ERGIC2: variants seen among roughly 807,000 people sequenced by gnomAD.
ERGIC2 encodes the protein endoplasmic reticulum-Golgi intermediate compartment protein 2.
In ERGIC2, 31 loss-of-function variants were observed where a neutral mutation model predicts 52.5. The observed-to-expected ratio is 0.59, with a 90% confidence interval of 0.44 to 0.80. ERGIC2 has a LOEUF of 0.80. Among genes scored for constraint, ERGIC2 ranks in the 30% least tolerant of loss-of-function variants. The pLI is 0.00. For synonymous variants in ERGIC2, 129 were observed against 140.6 expected (o/e 0.92, Z 0.58); for missense variants, 395 against 455.2 (o/e 0.87, Z 1.20).
chr12:29,366,786 T>C, intron 5 of ERGIC2, 91 bp downstream of exon 5: 1 of 647,278 alleles, frequency 1.5e-6, no homozygotes, highest in Non-Finnish European at 2.6e-6. Flanking sequence ...TACTAAAAAC[T>C]ATTTCAGACA....
At chr12:29,376,214 G>A (rs1455848066) in intron 1 of ERGIC2, among the ~76,000 whole-genome samples, 2 of 152,122 alleles carry the variant, frequency 1.3e-5, no homozygotes, top group African/African-American at 4.8e-5. Context: ...TTTTGATGAG[G>A]AAATGAGGCA....
At chr12:29,355,493 T>C (rs557397293) in intron 8 of ERGIC2, among the ~76,000 whole-genome samples, 1 of 152,312 alleles carries the variant, frequency 6.6e-6, no homozygotes, top group East Asian at 1.9e-4. Context: ...TTCAGCACTC[T>C]ATATGGAAAA....
intron 4 of ERGIC2, among the ~76,000 whole-genome samples, chr12:29,367,836 A>G (rs1265454081): frequency 4.0e-5 from 6 of 151,876 alleles, no homozygotes; most frequent in Non-Finnish European, 8.9e-5. Flanking sequence ...CATTAACTTA[A>G]AATAACTGGA....
rs1677980091 is a variant in ERGIC2 at position 29,338,936 on chromosome 12, C to T, written c.*2220G>A. The stretch of plus-strand genomic sequence containing the variant: ...TATCCTGGCTGGAGGCACCTCCAGG[C>T]ATAGGGAAAGTTGCATAACAGGTAG... On this transcript the variant is annotated 3_prime_UTR_variant, in exon 14 of 14. Transcript: ENST00000360150. 6.6e-6 allele frequency: 1 copy of T among 152,128 alleles called. No individual in the cohort carries two copies. The highest frequency in any genetic ancestry group is 2.1e-4 in the South Asian group (1 of 4,822). 9.4% of individuals were successfully genotyped at this position (152,128 alleles called of 1,614,324 possible).
chr12:29,368,923 T>C (rs1940401005), intron 3 of ERGIC2, among the ~76,000 whole-genome samples: 1 of 151,988 alleles, frequency 6.6e-6, no homozygotes, highest in Non-Finnish European at 1.5e-5. Flanking sequence ...AAATTTTTCA[T>C]GGCCTTTCAT....
intron 1 of ERGIC2, among the ~76,000 whole-genome samples, chr12:29,375,822 C>T (rs971955546): frequency 6.6e-6 from 1 of 152,254 alleles, no homozygotes; most frequent in Non-Finnish European, 1.5e-5. Flanking sequence ...TGGAGCACCT[C>T]GCCCCTCAGC....
chr12:29,374,294 A>T (rs1940484833), intron 1 of ERGIC2, among the ~76,000 whole-genome samples: 1 of 152,158 alleles, frequency 6.6e-6, no homozygotes, highest in Admixed American at 6.6e-5. Flanking sequence ...TTCTTCTCGA[A>T]ACATTCTCTT....
At chr12:29,374,487 T>C (rs1240342401) in intron 1 of ERGIC2, among the ~76,000 whole-genome samples, 1 of 152,174 alleles carries the variant, frequency 6.6e-6, no homozygotes, top group Non-Finnish European at 1.5e-5. Context: ...TTATCCCAAA[T>C]CTTGATTCTC....
chr12:29,357,688 C>T lies in ERGIC2; in HGVS notation c.411G>A (p.Glu137=), dbSNP rs1211033884. ...TAAATATCACATCTTGAAGTGAATG[C>T]TCTTCTTGTAGCCTACTCTGAATCA... ...LQLIQSRLQE[E]HSLQDVIFKS... is the part of the protein sequence containing the mutation. Residue 137 remains glutamate, a synonymous_variant, in exon 7 of 14, where the codon GAG becomes GAA. Coordinates refer to ENST00000360150, the MANE Select transcript of ERGIC2 (RefSeq NM_016570.3). 6.2e-7 allele frequency: 1 copy of T among 1,609,250 alleles called. No individual in the cohort carries two copies. Among genetic ancestry groups the T allele is most frequent in the East Asian group, 2.2e-5 (1 of 44,764 alleles).
intron 6 of ERGIC2, among the ~76,000 whole-genome samples, chr12:29,359,736 ACT>A (rs1940257110): frequency 6.6e-6 from 1 of 151,588 alleles, no homozygotes. Flanking sequence ...AAAGAGAAAG[ACT>A]CTTGGAATAT....
chr12:29,362,264 A>G (rs1190705209), intron 5 of ERGIC2, among the ~76,000 whole-genome samples: 1 of 152,094 alleles, frequency 6.6e-6, no homozygotes, highest in African/African-American at 2.4e-5. Context: ...TATATCCACA[A>G]TTTAATTTTG....
chr12:29,364,874 G>A (rs1475373812), intron 5 of ERGIC2, among the ~76,000 whole-genome samples: 1 of 150,778 alleles, frequency 6.6e-6, no homozygotes, highest in African/African-American at 2.4e-5. Flanking sequence ...GTAATCATAA[G>A]AGAAATGCAA....
chr12:29,354,350 C>A (rs2136861053), intron 8 of ERGIC2, among the ~76,000 whole-genome samples: 1 of 152,276 alleles, frequency 6.6e-6, no homozygotes, highest in Non-Finnish European at 1.5e-5. Context: ...GGAAATGTCA[C>A]TCATGATATC....
chr12:29,357,287 A>G (rs1019453213), intron 7 of ERGIC2, among the ~76,000 whole-genome samples: 1 of 152,174 alleles, frequency 6.6e-6, no homozygotes, highest in Admixed American at 6.5e-5. Context: ...TTTAATTAAA[A>G]TACAAAAACG....
chr12:29,376,256 T>C (rs542641374), intron 1 of ERGIC2, among the ~76,000 whole-genome samples: 1 of 152,170 alleles, frequency 6.6e-6, no homozygotes, highest in Non-Finnish European at 1.5e-5. Context: ...CCAGGCTACA[T>C]AGCAGGTGGT....
intron 1 of ERGIC2, among the ~76,000 whole-genome samples, chr12:29,379,135 G>C (rs1940553245): frequency 1.3e-5 from 2 of 152,166 alleles, no homozygotes; most frequent in Admixed American, 1.3e-4. Flanking sequence ...GTAGCAATGT[G>C]AAGCAAGGAC....
intron 1 of ERGIC2, among the ~76,000 whole-genome samples, chr12:29,374,980 C>G (rs1387616963): frequency 6.6e-6 from 1 of 152,132 alleles, no homozygotes; most frequent in East Asian, 1.9e-4. Context: ...TTTACAAAGC[C>G]CTTCAAAAAC....
intron 5 of ERGIC2, among the ~76,000 whole-genome samples, chr12:29,365,390 G>C (rs1211974360): frequency 6.6e-6 from 1 of 152,176 alleles, no homozygotes; most frequent in East Asian, 1.9e-4. Flanking sequence ...TCATTTATAA[G>C]TGGGAGCTAA....
At chr12:29,375,272 C>T (rs1418551049) in intron 1 of ERGIC2, among the ~76,000 whole-genome samples, 1 of 152,144 alleles carries the variant, frequency 6.6e-6, no homozygotes, top group Non-Finnish European at 1.5e-5. Flanking sequence ...CTAATTGCCT[C>T]TTTTTCTGTT....
Sources: gnomAD v4.1 joint callset for allele counts (sites outside exome capture counted in the v4.1 genomes callset) on GRCh38, gnomAD v4.1.1 for gene constraint, MANE v1.5 for transcripts, NCBI Gene and HGNC (gene_info 2026-07-23, HGNC 2026-07-21) for gene names.